Variants in RBM46 observed in about 807,000 individuals in gnomAD.
RBM46 encodes RNA binding motif protein 46, also known as probable RNA-binding protein 46.
In RBM46, 12 loss-of-function variants were observed where a neutral mutation model predicts 43.3. The ratio of observed to expected loss-of-function variants is 0.28; its 90% CI spans 0.18 to 0.45. The LOEUF (loss-of-function observed/expected upper bound fraction) is 0.45, where lower values mean the gene tolerates loss of function less well. Ranked by LOEUF, RBM46 falls within the 20% of genes least tolerant of loss-of-function variation. RBM46 has a pLI of 1.00. For synonymous variants in RBM46, 205 were observed against 207.6 expected (o/e 0.99, Z 0.11); for missense variants, 412 against 639.1 (o/e 0.64, Z 3.83).
Position 154,801,345 on chromosome 4 carries a change from C to T in RBM46, c.1402+1781C>T, listed in dbSNP as rs573149489. On this transcript the variant is annotated intron_variant, in intron 4 of 4. Coordinates refer to ENST00000281722, the MANE Select transcript of RBM46 (RefSeq NM_144979.5). ...TGAAGACACATTTAAGCAGTGTCTT[C>T]AATTATTAGTTTGGAGATATTTGGG... Among the ~76,000 whole-genome samples the T allele has an allele frequency of 2.2e-4, 34 of 152,120 alleles. No homozygotes were observed. In the South Asian group the frequency reaches 3.9e-3, roughly 18 times the overall value.
In RBM46 at chr4:154,798,971, T is replaced by G; in HGVS notation, c.809T>G (p.Leu270Arg). Residue 270 changes from leucine to arginine, a missense_variant, in exon 4 of 5, where the codon CTT (leucine) becomes CGT (arginine). Leu to Arg is a moderately radical substitution (Grantham distance 102). This residue lies in a region of RBM46 where 54 missense variants were observed against 102.5 expected (regional missense o/e 0.53). Coordinates refer to ENST00000281722, the MANE Select transcript of RBM46 (RefSeq NM_144979.5). ...KPGAVERVKK[L>R]RDYAFVHFFN... ...GGTGCAGTTGAACGGGTAAAGAAAC[T>G]TAGAGATTATGCTTTTGTTCACTTT... is the stretch of plus-strand genomic sequence containing the variant. 6.2e-7 allele frequency: 1 copy of G among 1,613,932 alleles called. No individual in the cohort carries two copies. The highest frequency in any genetic ancestry group is 8.5e-7 in the Non-Finnish European group (1 of 1,179,944).
Position 154,798,767 on chromosome 4 carries a change from A to ATT in RBM46, c.620-6_620-5dup. 4 of 1,333,100 alleles carry ATT rather than the reference A, an allele frequency of 3.0e-6. No homozygotes were observed. Among genetic ancestry groups the ATT allele is most frequent in the South Asian group, 1.9e-5 (1 of 53,102 alleles). The allele number at this position is 1,333,100 out of a possible 1,614,324, so 82.6% of individuals were successfully genotyped here. A position where few individuals can be genotyped will look rare whatever the true frequency, so the allele number is the denominator to read the frequency against. ...TTATTTTAATTCTCTTCAAATTATTATTTTTTTTTTACAGGAACATTCCAA... is the reference window on the plus strand; with the variant it reads ...TTATTTTAATTCTCTTCAAATTATTATTTTTTTTTTTTACAGGAACATTCCAA... On this transcript the variant is annotated splice_polypyrimidine_tract_variant and intron_variant, in intron 3 of 4. Coordinates refer to ENST00000281722, the MANE Select transcript of RBM46 (RefSeq NM_144979.5).
At chr4:154,826,149 TA>T (rs370010655) in intron 4 of RBM46, among the ~76,000 whole-genome samples, 36,061 of 138,842 alleles carry the variant, frequency 0.26, 4,457 homozygotes, top group Middle Eastern at 0.33. Flanking sequence ...TGGATCCTTT[TA>T]AAAAAAAAAA....
intron 4 of RBM46, among the ~76,000 whole-genome samples, chr4:154,811,673 G>GTGTGTC (rs1432881550): frequency 7.0e-6 from 1 of 142,328 alleles, no homozygotes; most frequent in Non-Finnish European, 1.5e-5. Flanking sequence ...GTGTGTCTGT[G>GTGTGTC]TGTGTGTGTG....
intron 4 of RBM46, among the ~76,000 whole-genome samples, chr4:154,807,179 G>A (rs142210969): frequency 6.6e-6 from 1 of 151,552 alleles, no homozygotes; most frequent in Non-Finnish European, 1.5e-5. Flanking sequence ...TTAAATGTTA[G>A]TAGCAGTTCA....
At chr4:154,808,993 C>T (rs114029501) in intron 4 of RBM46, among the ~76,000 whole-genome samples, 2 of 151,986 alleles carry the variant, frequency 1.3e-5, no homozygotes, top group Admixed American at 6.6e-5. Context: ...CACTTAGTTT[C>T]GGAGAGGGAT....
At chr4:154,827,723 C>T in intron 4 of RBM46, 145 bp from the exon 5 acceptor site, 1 of 1,470,254 alleles carries the variant, frequency 6.8e-7, no homozygotes, top group Non-Finnish European at 9.0e-7. Flanking sequence ...CTGAAATAAT[C>T]TTTAACCAGC....
rs370989981 is a variant in RBM46 at position 154,786,459 on chromosome 4, ATT to A, written c.-12+5024_-12+5025del. On this transcript the variant is annotated intron_variant, in intron 1 of 4. Transcript: ENST00000281722. Reference sequence around the variant, plus strand: ...TTTTATCTGAATCTATTAATATTACATTGTTTTATTTATTGCATTTGGTGTCA... The same window carrying A: ...TTTTATCTGAATCTATTAATATTACAGTTTTATTTATTGCATTTGGTGTCA... Among the ~76,000 whole-genome samples the A allele has an allele frequency of 1.2e-4, 19 of 152,278 alleles. 1 individual carries two copies. In the South Asian group the frequency reaches 2.1e-3, roughly 17 times the overall value.
At chr4:154,818,058 T>C (rs536282379) in intron 4 of RBM46, among the ~76,000 whole-genome samples, 1 of 152,062 alleles carries the variant, frequency 6.6e-6, no homozygotes, top group African/African-American at 2.4e-5. Context: ...TTGGTACTTA[T>C]ATATATATAT....
At chr4:154,825,872 C>T (rs1735934698) in intron 4 of RBM46, among the ~76,000 whole-genome samples, 1 of 152,136 alleles carries the variant, frequency 6.6e-6, no homozygotes. Context: ...TGGATGTAAA[C>T]TCAAAACAAA....
intron 2 of RBM46, 116 bp downstream of exon 2, chr4:154,797,019 A>ATT (rs57686041): frequency 0.2 from 122,371 of 611,830 alleles, 5,414 homozygotes; most frequent in Middle Eastern, 0.23. Context: ...GCTTTAAGAC[A>ATT]TTTTTTTTTT....
chr4:154,817,476 G>C (rs1391972766), intron 4 of RBM46, among the ~76,000 whole-genome samples: 4 of 151,714 alleles, frequency 2.6e-5, no homozygotes, highest in Non-Finnish European at 5.9e-5. Context: ...GGGATTACAG[G>C]TGCGCACACC....
At chr4:154,801,517 C>G (rs1242688407) in intron 4 of RBM46, among the ~76,000 whole-genome samples, 2 of 152,108 alleles carry the variant, frequency 1.3e-5, no homozygotes, top group Admixed American at 6.5e-5. Flanking sequence ...AATTAAGTTT[C>G]TTAGAGAAAA....
intron 4 of RBM46, among the ~76,000 whole-genome samples, chr4:154,826,520 T>C (rs148021504): frequency 1.3e-5 from 2 of 152,266 alleles, no homozygotes; most frequent in African/African-American, 4.8e-5. Context: ...CATCCTACTT[T>C]GGATGTTAGA....
chr4:154,796,971 C>A, intron 2 of RBM46, 68 bp downstream of exon 2: 1 of 1,343,486 alleles, frequency 7.4e-7, no homozygotes, highest in African/African-American at 1.5e-5. Context: ...ATGTGTATCC[C>A]CACAAGTATT....
chr4:154,797,736 G>A (rs1424622041), intron 2 of RBM46, 75 bp from the exon 3 acceptor site: 3 of 1,036,674 alleles, frequency 2.9e-6, no homozygotes, highest in Non-Finnish European at 4.2e-6. Context: ...CAAATTTGTT[G>A]AATGAATATA....
intron 4 of RBM46, among the ~76,000 whole-genome samples, chr4:154,813,177 C>A (rs1378067277): frequency 2.6e-5 from 4 of 151,806 alleles, no homozygotes; most frequent in Non-Finnish European, 5.9e-5. Flanking sequence ...GTGCTTTGAG[C>A]AGAAAGAAGA....
intron 4 of RBM46, among the ~76,000 whole-genome samples, chr4:154,820,783 T>G (rs1414192992): frequency 1.3e-5 from 2 of 152,040 alleles, no homozygotes. Context: ...AACCCAAGTC[T>G]TATTGAAACA....
chr4:154,786,379 G>A (rs531690912), intron 1 of RBM46, among the ~76,000 whole-genome samples: 3 of 152,100 alleles, frequency 2.0e-5, no homozygotes, highest in African/African-American at 4.8e-5. Context: ...GTGAGCCACC[G>A]TACCTGGCCA....
Sources: gnomAD v4.1 joint callset for allele counts (sites outside exome capture counted in the v4.1 genomes callset) on GRCh38, gnomAD v4.1.1 for gene constraint, gnomAD v4.1.1 regional missense constraint, MANE v1.5 for transcripts, NCBI Gene and HGNC (gene_info 2026-07-23, HGNC 2026-07-21) for gene names.